Variants in ESRRG observed in about 807,000 individuals in gnomAD.
ESRRG encodes the protein estrogen-related receptor gamma.
Under a neutral mutation model 44.0 loss-of-function variants are expected in ESRRG, and 13 were observed. That is an observed-to-expected ratio of 0.30 (90% confidence interval 0.19 to 0.47). ESRRG has a LOEUF of 0.47. Ranked by LOEUF, ESRRG falls within the 20% of genes least tolerant of loss-of-function variation. The pLI, the probability that ESRRG is intolerant of heterozygous loss-of-function variation, is 1.00. For missense variants in ESRRG, 395 were observed against 580.6 expected, an observed-to-expected ratio of 0.68 and a Z score of 3.29; for synonymous variants, 215 against 214.6, an observed-to-expected ratio of 1.00 and a Z score of -0.02.
chr1:216,658,388 C>T (rs2071195551), intron 2 of ESRRG, among the ~76,000 whole-genome samples: 2 of 152,072 alleles, frequency 1.3e-5, no homozygotes, highest in Admixed American at 1.3e-4. Context: ...ATTCTACAAC[C>T]ATCAACTAAA....
intron 2 of ESRRG, 22 bp downstream of exon 2, chr1:216,677,054 T>G: frequency 6.3e-7 from 1 of 1,590,194 alleles, no homozygotes; most frequent in Middle Eastern, 1.7e-4. Context: ...GTGGGGAGAG[T>G]ATTCCCAGGT....
chr1:216,660,278 C>A (rs1432904032), intron 2 of ESRRG, among the ~76,000 whole-genome samples: 1 of 152,164 alleles, frequency 6.6e-6, no homozygotes, highest in African/African-American at 2.4e-5. Flanking sequence ...TCCCAACATC[C>A]AGTTCAATGG....
intron 2 of ESRRG, among the ~76,000 whole-genome samples, chr1:216,744,130 T>A (rs61819772): frequency 0.16 from 24,057 of 151,946 alleles, 1,927 homozygotes; most frequent in Middle Eastern, 0.24. Flanking sequence ...AGCCATAGAG[T>A]TCAGTCTTGG....
At chr1:216,844,879 C>T (rs994629857) in intron 2 of ESRRG, among the ~76,000 whole-genome samples, 1 of 152,040 alleles carries the variant, frequency 6.6e-6, no homozygotes, top group African/African-American at 2.4e-5. Flanking sequence ...TCATTCACTA[C>T]CAGAACACAA....
At chr1:216,930,586 C>T (rs76122838) in intron 2 of ESRRG, among the ~76,000 whole-genome samples, 40 of 152,300 alleles carry the variant, frequency 2.6e-4, no homozygotes, top group African/African-American at 8.9e-4. Flanking sequence ...GACCTGGAAA[C>T]TGCAAAGACG....
chr1:216,827,568 T>C (rs1465821183), intron 2 of ESRRG, among the ~76,000 whole-genome samples: 2 of 152,224 alleles, frequency 1.3e-5, no homozygotes, highest in Admixed American at 1.3e-4. Flanking sequence ...TCTCTAGCTA[T>C]CCATAATTTT....
At chr1:216,524,551 GAT>G in intron 5 of ESRRG, among the ~76,000 whole-genome samples, 1 of 151,948 alleles carries the variant, frequency 6.6e-6, no homozygotes, top group Middle Eastern at 3.4e-3. Context: ...CAATAATTTA[GAT>G]TCAATCACAA....
At chr1:216,898,594 G>A (rs2058698572) in intron 2 of ESRRG, among the ~76,000 whole-genome samples, 1 of 152,160 alleles carries the variant, frequency 6.6e-6, no homozygotes, top group African/African-American at 2.4e-5. Context: ...CTCCAGCCTA[G>A]GCGACAAAGC....
At chr1:217,103,403 T>C (rs1257924327) in intron 1 of ESRRG, among the ~76,000 whole-genome samples, 5 of 150,718 alleles carry the variant, frequency 3.3e-5, no homozygotes, top group Non-Finnish European at 7.4e-5. Flanking sequence ...CCCAGCACTT[T>C]GGGAGGCCAA....
intron 1 of ESRRG, among the ~76,000 whole-genome samples, chr1:217,072,185 T>C (rs901479525): frequency 1.8e-4 from 28 of 152,232 alleles, no homozygotes; most frequent in African/African-American, 6.0e-4. Flanking sequence ...AGTATGTGCA[T>C]GTCACCCGTC....
intron 2 of ESRRG, among the ~76,000 whole-genome samples, chr1:216,913,130 A>T (rs963041491): frequency 1.1e-4 from 17 of 151,298 alleles, no homozygotes; most frequent in African/African-American, 3.9e-4. Flanking sequence ...AAAAAAAAAA[A>T]AAGGAAAGAA....
intron 3 of ESRRG, among the ~76,000 whole-genome samples, chr1:216,632,140 A>G (rs1044409889): frequency 6.6e-6 from 1 of 152,250 alleles, no homozygotes; most frequent in African/African-American, 2.4e-5. Flanking sequence ...TTAATTCACC[A>G]ATATGCCTAT....
intron 1 of ESRRG, among the ~76,000 whole-genome samples, chr1:217,011,183 G>C (rs1394572007): frequency 1.3e-5 from 2 of 152,094 alleles, no homozygotes; most frequent in Non-Finnish European, 2.9e-5. Flanking sequence ...ACACTCTACA[G>C]AAAAAATGAC....
intron 1 of ESRRG, among the ~76,000 whole-genome samples, chr1:217,061,881 C>G (rs1179793080): frequency 1.3e-5 from 2 of 152,130 alleles, no homozygotes; most frequent in Admixed American, 1.3e-4. Flanking sequence ...GTGCTTTCCT[C>G]AAAATAAAAC....
intron 2 of ESRRG, among the ~76,000 whole-genome samples, chr1:216,843,321 T>C (rs938474106): frequency 3.9e-5 from 6 of 152,042 alleles, no homozygotes; most frequent in Non-Finnish European, 8.8e-5. Flanking sequence ...GAAGACAACC[T>C]TTTTTCCACA....
At chr1:217,002,809 G>A (rs1032041657) in intron 1 of ESRRG, among the ~76,000 whole-genome samples, 8 of 152,062 alleles carry the variant, frequency 5.3e-5, no homozygotes, top group Admixed American at 2.6e-4. Context: ...CCAGCCCCAC[G>A]CAGGCTTTCA....
At chr1:217,130,210 A>G (rs1293570373) in intron 1 of ESRRG, among the ~76,000 whole-genome samples, 1 of 152,094 alleles carries the variant, frequency 6.6e-6, no homozygotes, top group East Asian at 1.9e-4. Flanking sequence ...TGTCACATTG[A>G]TAGCAGAAAC....
intron 3 of ESRRG, among the ~76,000 whole-genome samples, chr1:216,646,127 A>G (rs2067523437): frequency 6.6e-6 from 1 of 152,054 alleles, no homozygotes; most frequent in Non-Finnish European, 1.5e-5. Context: ...TTGTTAGTGA[A>G]AACCTCTGCT....
chr1:216,588,011 A>G (rs2056969557), intron 3 of ESRRG, among the ~76,000 whole-genome samples: 1 of 152,214 alleles, frequency 6.6e-6, no homozygotes, highest in Non-Finnish European at 1.5e-5. Context: ...AACAGTATAA[A>G]TAGGAAGTAA....
Sources: gnomAD v4.1 joint callset for allele counts (sites outside exome capture counted in the v4.1 genomes callset) on GRCh38, gnomAD v4.1.1 for gene constraint, MANE v1.5 for transcripts, NCBI Gene and HGNC (gene_info 2026-07-23, HGNC 2026-07-21) for gene names.